The following ACAD10 variants were observed in gnomAD, a reference collection of about 807,000 sequenced individuals.
ACAD10 encodes the protein ACAD-10.
In ACAD10, 112 loss-of-function variants were observed where a neutral mutation model predicts 116.8. The observed-to-expected ratio is 0.96, with a 90% CI of 0.82 to 1.12. The LOEUF is 1.12. ACAD10 is among the 50% of genes most tolerant of loss of function. The probability of loss-of-function intolerance (pLI) is 0.00; values close to 1 mark genes in which losing one functional copy is unlikely to be tolerated. For synonymous variants in ACAD10, 486 were observed against 510.6 expected (o/e 0.95, Z 0.65); for missense variants, 1,259 against 1,350.2 (o/e 0.93, Z 1.06).
chr12:111,742,337 G>A (rs60350179), intron 12 of ACAD10, among the ~76,000 whole-genome samples: 1 of 152,120 alleles, frequency 6.6e-6, no homozygotes, highest in South Asian at 2.1e-4. Context: ...TGTGCAGTCC[G>A]AGGAATAAGG....
intron 18 of ACAD10, among the ~76,000 whole-genome samples, chr12:111,752,553 G>A (rs1439558314): frequency 2.0e-5 from 3 of 152,050 alleles, no homozygotes; most frequent in Non-Finnish European, 4.4e-5. Context: ...AGGTTGCAGT[G>A]AGCCGAGATC....
rs1202085511 is a variant in ACAD10, at chr12:111,714,009, C to T, written c.850+1352C>T. Among the ~76,000 whole-genome samples, 2 of 151,966 alleles carry T rather than the reference C, an allele frequency of 1.3e-5. 1 individual carries two copies. The highest frequency in any genetic ancestry group is 2.9e-5 in the Non-Finnish European group (2 of 68,020). On this transcript the variant is annotated intron_variant, in intron 6 of 20. Coordinates refer to ENST00000313698, the MANE Select transcript of ACAD10 (RefSeq NM_025247.6). The stretch of plus-strand genomic sequence containing the variant: ...CTGTAATCCCCAGTACTTTGGGAGG[C>T]CGAGATGGGCGGATCATCTGAGGTC...
intron 8 of ACAD10, among the ~76,000 whole-genome samples, chr12:111,723,404 TG>T: frequency 8.3e-6 from 1 of 120,212 alleles, no homozygotes; most frequent in African/African-American, 3.1e-5. Flanking sequence ...ACGGGGCGGC[TG>T]GCCGGGCGGG....
intron 5 of ACAD10, 23 bp downstream of exon 5, chr12:111,709,707 C>A: frequency 6.3e-7 from 1 of 1,594,370 alleles, no homozygotes; most frequent in South Asian, 1.1e-5. Flanking sequence ...AATTTTTGAA[C>A]TCCCTCCCAT....
chr12:111,713,388 G>A lies in ACAD10; in HGVS notation c.850+731G>A, dbSNP rs941035547. Among the ~76,000 whole-genome samples the A allele has an allele frequency of 3.9e-5, 6 of 151,934 alleles. No individual in the cohort carries two copies. In the South Asian group the frequency reaches 6.2e-4, roughly 16 times the overall value. On this transcript the variant is annotated intron_variant, in intron 6 of 20. Coordinates refer to ENST00000313698, the MANE Select transcript of ACAD10 (RefSeq NM_025247.6). ...TTCTGTAATTCCAGCATTTTGGGAG[G>A]CCAAGGCAGGTGGATAACTTGAGGC...
chr12:111,729,679 C>T (rs1172389950), intron 9 of ACAD10, 127 bp from the exon 10 acceptor site: 11 of 1,106,982 alleles, frequency 9.9e-6, no homozygotes, highest in Middle Eastern at 2.8e-4. Flanking sequence ...GTCATAGGAA[C>T]GTGTTCAAAG....
chr12:111,714,215 A>G (rs1888775420), intron 6 of ACAD10, among the ~76,000 whole-genome samples: 1 of 151,552 alleles, frequency 6.6e-6, no homozygotes, highest in Non-Finnish European at 1.5e-5. Flanking sequence ...ACTGCACTGC[A>G]GCCTGGGCAG....
chr12:111,686,634 T>G (rs1057264778), intron 1 of ACAD10, among the ~76,000 whole-genome samples: 13 of 152,196 alleles, frequency 8.5e-5, no homozygotes, highest in Non-Finnish European at 1.9e-4. Flanking sequence ...GAGAATCGCT[T>G]GAACCCGGGA....
chr12:111,731,347 C>A (rs1232025037), intron 10 of ACAD10, among the ~76,000 whole-genome samples: 2 of 152,204 alleles, frequency 1.3e-5, no homozygotes, highest in African/African-American at 4.8e-5. Flanking sequence ...TGCATTTGAC[C>A]CCCTCCTCCA....
At chr12:111,698,103 T>A (rs980441122) in intron 2 of ACAD10, among the ~76,000 whole-genome samples, 1 of 151,636 alleles carries the variant, frequency 6.6e-6, no homozygotes, top group East Asian at 1.9e-4. Flanking sequence ...CAAGCTATTC[T>A]CCTTCCTCAG....
At chr12:111,744,571 T>C (rs1485311909) in intron 12 of ACAD10, 72 bp from the exon 13 acceptor site, 4 of 1,528,170 alleles carry the variant, frequency 2.6e-6, no homozygotes, top group Non-Finnish European at 2.7e-6. Flanking sequence ...GAAGTGACAG[T>C]GTCATCACAT....
At chr12:111,744,274 T>C (rs892903548) in intron 12 of ACAD10, among the ~76,000 whole-genome samples, 4 of 152,080 alleles carry the variant, frequency 2.6e-5, no homozygotes, top group South Asian at 2.1e-4. Flanking sequence ...GGACTTCTTA[T>C]AGCCCACTGG....
chr12:111,735,970 C>T (rs553054249), intron 11 of ACAD10, among the ~76,000 whole-genome samples: 2 of 152,188 alleles, frequency 1.3e-5, no homozygotes, highest in East Asian at 3.9e-4. Context: ...ACCTCTGCCT[C>T]CCGGGTTCAA....
intron 12 of ACAD10, among the ~76,000 whole-genome samples, chr12:111,743,893 C>T (rs1250178266): frequency 1.3e-5 from 2 of 151,588 alleles, no homozygotes; most frequent in African/African-American, 4.9e-5. Flanking sequence ...ATTACAGGCA[C>T]ACACCACCAT....
chr12:111,754,054 A>G (rs1317496330), intron 19 of ACAD10, 139 bp downstream of exon 19: 1 of 1,260,920 alleles, frequency 7.9e-7, no homozygotes, highest in Admixed American at 2.9e-5. Flanking sequence ...TTTTTCAAAA[A>G]TTGGAAAGGC....
chr12:111,705,676 TGGCCATGAG>T, intron 3 of ACAD10, 53 bp from the exon 4 acceptor site: 1 of 1,463,264 alleles, frequency 6.8e-7, no homozygotes. Flanking sequence ...TTTTTTCTGT[TGGCCATGAG>T]TGTTTGTCAC....
chr12:111,722,505 C>T (rs1255413731), intron 8 of ACAD10, among the ~76,000 whole-genome samples: 5 of 151,764 alleles, frequency 3.3e-5, no homozygotes, highest in Admixed American at 2.0e-4. Context: ...ACAAAGGTCT[C>T]TGGTTTTCCT....
chr12:111,700,063 A>C (rs1177577755), intron 2 of ACAD10, among the ~76,000 whole-genome samples: 2 of 152,134 alleles, frequency 1.3e-5, no homozygotes, highest in African/African-American at 4.8e-5. Flanking sequence ...TTATTTACGA[A>C]AATAGGTAGA....
At chr12:111,735,981 G>C (rs1339633220) in intron 11 of ACAD10, among the ~76,000 whole-genome samples, 1 of 151,870 alleles carries the variant, frequency 6.6e-6, no homozygotes, top group Non-Finnish European at 1.5e-5. Flanking sequence ...CCGGGTTCAA[G>C]CGATTCTCCG....
Sources: gnomAD v4.1 joint callset for allele counts (sites outside exome capture counted in the v4.1 genomes callset) on GRCh38, gnomAD v4.1.1 for gene constraint, MANE v1.5 for transcripts, NCBI Gene and HGNC (gene_info 2026-07-23, HGNC 2026-07-21) for gene names.